Variants in C8orf34 observed in about 807,000 individuals in gnomAD.
The protein encoded by C8orf34 is uncharacterized protein C8orf34.
Under a neutral mutation model 68.3 loss-of-function variants are expected in C8orf34, and 65 were observed. The observed-to-expected ratio is 0.95, with a 90% CI of 0.78 to 1.17. The LOEUF is 1.17. Among genes scored for constraint, C8orf34 ranks in the 50% most tolerant of loss-of-function variants. The pLI is 0.00. For synonymous variants in C8orf34, 244 were observed against 241.2 expected, an observed-to-expected ratio of 1.01 and a Z score of -0.11; for missense variants, 664 against 655.4, an observed-to-expected ratio of 1.01 and a Z score of -0.14.
intron 10 of C8orf34, among the ~76,000 whole-genome samples, chr8:68,758,424 A>T (rs960721087): frequency 6.6e-6 from 1 of 152,142 alleles, no homozygotes; most frequent in Non-Finnish European, 1.5e-5. Flanking sequence ...TGGTTCTTTT[A>T]TGAAGTTAAG....
chr8:68,711,420 T>A (rs1585766033), intron 9 of C8orf34, among the ~76,000 whole-genome samples: 1 of 151,948 alleles, frequency 6.6e-6, no homozygotes, highest in Non-Finnish European at 1.5e-5. Context: ...AAAAACATAA[T>A]TCAGGATATG....
At chr8:68,688,552 C>T (rs11774064) in intron 8 of C8orf34, among the ~76,000 whole-genome samples, 30,302 of 151,966 alleles carry the variant, frequency 0.2, 3,467 homozygotes, top group East Asian at 0.56. Context: ...TTTACAATTG[C>T]AATTTACAAT....
intron 7 of C8orf34, among the ~76,000 whole-genome samples, chr8:68,622,445 G>A (rs1443973995): frequency 2.0e-5 from 3 of 151,606 alleles, no homozygotes; most frequent in Admixed American, 6.6e-5. Context: ...GACATATGAC[G>A]CTCTTAAAGG....
intron 2 of C8orf34, among the ~76,000 whole-genome samples, chr8:68,440,784 G>A (rs1246191337): frequency 2.0e-5 from 3 of 148,992 alleles, no homozygotes; most frequent in Admixed American, 6.9e-5. Context: ...AGTATCTGGA[G>A]AGAAAGGAAC....
At chr8:68,653,270 T>C (rs932550283) in intron 8 of C8orf34, among the ~76,000 whole-genome samples, 1 of 152,230 alleles carries the variant, frequency 6.6e-6, no homozygotes, top group Non-Finnish European at 1.5e-5. Flanking sequence ...TAGATTACAT[T>C]GATTTCACCA....
chr8:68,643,520 C>G (rs139320849), intron 8 of C8orf34, among the ~76,000 whole-genome samples: 7 of 152,156 alleles, frequency 4.6e-5, no homozygotes, highest in Non-Finnish European at 1.0e-4. Context: ...TCTCCCACTT[C>G]AGGAGACTGA....
At chr8:68,763,049 C>T (rs1210085201) in intron 10 of C8orf34, among the ~76,000 whole-genome samples, 1 of 152,178 alleles carries the variant, frequency 6.6e-6, no homozygotes, top group Non-Finnish European at 1.5e-5. Flanking sequence ...TCTATAAAGT[C>T]TGTCCTAGGC....
chr8:68,579,192 C>T (rs574678836), intron 7 of C8orf34, among the ~76,000 whole-genome samples: 6 of 151,922 alleles, frequency 3.9e-5, no homozygotes, highest in Admixed American at 1.3e-4. Context: ...TGCTTTTCCT[C>T]GGTTCATCTT....
chr8:68,619,472 G>A (rs562078271), intron 7 of C8orf34, among the ~76,000 whole-genome samples: 4 of 136,188 alleles, frequency 2.9e-5, no homozygotes, highest in African/African-American at 1.0e-4. Context: ...TGGTTATCGT[G>A]AACCATAGGG....
At position 68,331,356 on chromosome 8, in the gene C8orf34, G is replaced by T. The variant is rs1258667720; in HGVS notation, c.327+17G>T. Reference sequence around the variant, plus strand: ...CTGTTTGAGGTAAGGCGCTGTGGAGGAGGGCAGTCCCGTTGTCTTTAGGGG... The same window carrying T: ...CTGTTTGAGGTAAGGCGCTGTGGAGTAGGGCAGTCCCGTTGTCTTTAGGGG... On this transcript the variant is annotated intron_variant, in intron 1 of 13. Transcript: ENST00000518698. 6.5e-7 allele frequency: 1 copy of T among 1,535,522 alleles called. No individual in the cohort carries two copies. Among genetic ancestry groups the T allele is most frequent in the Non-Finnish European group, 8.7e-7 (1 of 1,146,314 alleles).
At chr8:68,475,459 T>G (rs536089478) in intron 4 of C8orf34, among the ~76,000 whole-genome samples, 2 of 152,338 alleles carry the variant, frequency 1.3e-5, no homozygotes, top group East Asian at 3.9e-4. Context: ...GGGCTACCTC[T>G]GGTTCCATTT....
At chr8:68,783,878 CT>C (rs1823767211) in intron 11 of C8orf34, among the ~76,000 whole-genome samples, 1 of 152,132 alleles carries the variant, frequency 6.6e-6, no homozygotes, top group Non-Finnish European at 1.5e-5. Context: ...GGGGTTCACA[CT>C]TTCAATATTA....
chr8:68,578,963 A>C (rs961525274), intron 7 of C8orf34, among the ~76,000 whole-genome samples: 1 of 152,160 alleles, frequency 6.6e-6, no homozygotes, highest in Admixed American at 6.6e-5. Flanking sequence ...GCGATTTAGC[A>C]TGCAAAATAA....
At chr8:68,798,738 GA>G (rs2129529475) in intron 12 of C8orf34, among the ~76,000 whole-genome samples, 1 of 152,232 alleles carries the variant, frequency 6.6e-6, no homozygotes, top group African/African-American at 2.4e-5. Context: ...AAATGCCTCT[GA>G]ATCATTTGTG....
chr8:68,575,816 A>C (rs1187093209), intron 7 of C8orf34, among the ~76,000 whole-genome samples: 1 of 152,030 alleles, frequency 6.6e-6, no homozygotes, highest in East Asian at 1.9e-4. Context: ...GATTTAATCA[A>C]GTATTATCAT....
At chr8:68,599,575 A>C (rs937528782) in intron 7 of C8orf34, among the ~76,000 whole-genome samples, 1 of 152,086 alleles carries the variant, frequency 6.6e-6, no homozygotes, top group African/African-American at 2.4e-5. Context: ...AAAGTCTGTT[A>C]AATAAATTTT....
chr8:68,537,972 A>C (rs1815548477), intron 7 of C8orf34, among the ~76,000 whole-genome samples: 1 of 152,160 alleles, frequency 6.6e-6, no homozygotes, highest in African/African-American at 2.4e-5. Flanking sequence ...GGTAAAAATA[A>C]ATCAACATAG....
At chr8:68,633,280 A>G (rs1482829208) in intron 7 of C8orf34, among the ~76,000 whole-genome samples, 1 of 152,206 alleles carries the variant, frequency 6.6e-6, no homozygotes, top group East Asian at 1.9e-4. Context: ...AGAGGGGAGC[A>G]CGGAAGCTAG....
At chr8:68,638,227 A>G (rs1818903320) in intron 7 of C8orf34, among the ~76,000 whole-genome samples, 1 of 152,122 alleles carries the variant, frequency 6.6e-6, no homozygotes, top group South Asian at 2.1e-4. Flanking sequence ...GAGTCATTTC[A>G]TGGAGGAATT....
Sources: allele counts gnomAD v4.1 joint callset (sites outside exome capture counted in the v4.1 genomes callset), GRCh38; gene constraint gnomAD v4.1.1; transcripts MANE v1.5; gene names NCBI Gene and HGNC (gene_info 2026-07-23, HGNC 2026-07-21).